SERHL2: variants seen among roughly 807,000 people sequenced by gnomAD.
SERHL2 encodes serine hydrolase-like protein 2.
In SERHL2, 29 loss-of-function variants were observed where a neutral mutation model predicts 25.5. The observed-to-expected ratio is 1.14, with a 90% confidence interval of 0.85 to 1.55. The LOEUF is 1.55. Ranked by LOEUF, SERHL2 falls within the 40% of genes most tolerant of loss-of-function variation. The probability of loss-of-function intolerance (pLI) is 0.00; values close to 1 mark genes in which losing one functional copy is unlikely to be tolerated. For missense variants in SERHL2, 240 were observed against 252.3 expected, an observed-to-expected ratio of 0.95 and a Z score of 0.33; for synonymous variants, 95 against 103.5, an observed-to-expected ratio of 0.92 and a Z score of 0.50.
intron 9 of SERHL2, among the ~76,000 whole-genome samples, chr22:42,567,412 C>T (rs955187023): frequency 6.6e-6 from 1 of 151,834 alleles, no homozygotes; most frequent in Non-Finnish European, 1.5e-5. Flanking sequence ...CGCCTGTAGT[C>T]CCAGCACTTT....
chr22:42,566,253 T>C (rs1206465124), intron 8 of SERHL2, 51 bp from the exon 9 acceptor site: 4 of 1,591,502 alleles, frequency 2.5e-6, no homozygotes, highest in Admixed American at 3.3e-5. Context: ...GAGCGTCCCC[T>C]GACCCTGATG....
chr22:42,559,040 C>G (rs1469656115), intron 7 of SERHL2, among the ~76,000 whole-genome samples: 2 of 58,398 alleles, frequency 3.4e-5, no homozygotes, highest in Non-Finnish European at 5.6e-5. Context: ...ACTGCCCCAC[C>G]ACACGCACGC....
intron 9 of SERHL2, among the ~76,000 whole-genome samples, chr22:42,570,851 G>A (rs878863848): frequency 2.6e-5 from 4 of 152,024 alleles, no homozygotes; most frequent in African/African-American, 7.2e-5. Flanking sequence ...AGGCATACCC[G>A]GTGGCAAAGG....
chr22:42,560,236 T>C lies in SERHL2; in HGVS notation c.584T>C (p.Leu195Pro). 1 of 1,612,902 alleles carries C rather than the reference T, an allele frequency of 6.2e-7. No homozygotes were observed. The highest frequency in any genetic ancestry group is 8.5e-7 in the Non-Finnish European group (1 of 1,179,128). Residue 195 changes from leucine (L) to proline (P), a missense_variant, in exon 8 of 12, where the codon CTG (leucine) becomes CCG (proline). Leu to Pro is a moderately conservative substitution (Grantham distance 98). This residue lies in a region of SERHL2 where 212 missense variants were observed against 168.9 expected (regional missense o/e 1.25). Transcript: ENST00000327678. The part of the protein sequence containing the change: ...HLSEECGELL[L>P]QRGTTKVATG... ...AGTGAGGAGTGCGGGGAGCTTCTCC[T>C]GCAAAGAGGAACCACGAAGGTGGCC...
chr22:42,554,130 G>A (rs1231921796), intron 1 of SERHL2, 88 bp downstream of exon 1: 28 of 1,484,540 alleles, frequency 1.9e-5, no homozygotes, highest in Admixed American at 5.6e-5. Context: ...TGGAGGGTTC[G>A]CCGACCGCGT....
Position 42,556,644 on chromosome 22 carries a change from G to C in SERHL2, c.423+56G>C. On this transcript the variant is annotated intron_variant, in intron 6 of 11. Coordinates refer to ENST00000327678, the MANE Select transcript of SERHL2 (RefSeq NM_014509.5). The stretch of plus-strand genomic sequence containing the variant: ...TTAGGGAGGACCTGGGCCCCGGGCA[G>C]CGCTCCCAGCCCTGTCTCCTTTGGT... The C allele has an allele frequency of 5.7e-6, 8 of 1,402,986 alleles. No homozygotes were observed. In the South Asian group the frequency reaches 9.7e-5, roughly 17 times the overall value. 86.9% of individuals were successfully genotyped at this position (1,402,986 alleles called of 1,614,324 possible).
chr22:42,554,004 T>G lies in SERHL2; in HGVS notation c.-17T>G. ...GGCGTGAGGGAGTGACAGCAGCGCA[T>G]TCGCGGGACGAGAGCGATGAGTGAG... On this transcript the variant is annotated 5_prime_UTR_variant, in exon 1 of 12. Transcript: ENST00000327678. 1.9e-6 allele frequency: 3 copies of G among 1,613,508 alleles called. No individual in the cohort carries two copies. Among genetic ancestry groups the G allele is most frequent in the Non-Finnish European group, 2.5e-6 (3 of 1,179,730 alleles).
intron 9 of SERHL2, 130 bp downstream of exon 9, chr22:42,566,468 C>A: frequency 2.4e-6 from 2 of 833,482 alleles, no homozygotes; most frequent in Non-Finnish European, 1.9e-6. Context: ...TGAGGCAGGA[C>A]AATCGCTTGA....
intron 1 of SERHL2, 95 bp downstream of exon 1, chr22:42,554,137 G>C: frequency 1.4e-6 from 2 of 1,445,548 alleles, no homozygotes; most frequent in Non-Finnish European, 1.9e-6. Context: ...TTCGCCGACC[G>C]CGTCGCCCTC....
chr22:42,566,875 T>G (rs1343053547), intron 9 of SERHL2, among the ~76,000 whole-genome samples: 1 of 152,268 alleles, frequency 6.6e-6, no homozygotes, highest in Non-Finnish European at 1.5e-5. Context: ...CTTGGCCATC[T>G]CTGCCAGTGA....
At chr22:42,564,411 T>A (rs905698752) in intron 8 of SERHL2, among the ~76,000 whole-genome samples, 4 of 151,094 alleles carry the variant, frequency 2.6e-5, no homozygotes, top group Non-Finnish European at 5.9e-5. Context: ...CATTTTAAAC[T>A]GAGGCCCGAC....
chr22:42,557,557 CAAAAAAA>C (rs3046378), intron 6 of SERHL2, among the ~76,000 whole-genome samples: 3 of 45,518 alleles, frequency 6.6e-5, no homozygotes, highest in African/African-American at 1.4e-4. Flanking sequence ...CTCCGTCTCC[CAAAAAAA>C]AAAAAAAAAA....
At chr22:42,556,018 GGGGA>G (rs772464655) in intron 4 of SERHL2, 42 bp from the exon 5 acceptor site, 1 of 492,066 alleles carries the variant, frequency 2.0e-6, no homozygotes, top group South Asian at 2.3e-5. Flanking sequence ...GTATGCAGCT[GGGGA>G]GGGAGTGAGG....
At chr22:42,559,631 A>G (rs1395943456) in intron 7 of SERHL2, among the ~76,000 whole-genome samples, 1 of 151,646 alleles carries the variant, frequency 6.6e-6, no homozygotes, top group African/African-American at 2.4e-5. Flanking sequence ...GTAACGAAGA[A>G]TGGCATGAAC....
At chr22:42,567,650 G>A (rs558248406) in intron 9 of SERHL2, among the ~76,000 whole-genome samples, 4 of 150,868 alleles carry the variant, frequency 2.7e-5, no homozygotes, top group Non-Finnish European at 4.4e-5. Flanking sequence ...CGGCCTGGGC[G>A]ACAGAGCGAG....
At chr22:42,573,883 G>C (rs1046757831) in intron 11 of SERHL2, 53 bp from the exon 12 acceptor site, 105 of 1,570,550 alleles carry the variant, frequency 6.7e-5, no homozygotes, top group Non-Finnish European at 1.7e-5. Context: ...GGCCCATGGA[G>C]CTCCCTAGGC....
At chr22:42,572,725 G>C (rs1924406632) in intron 11 of SERHL2, 196 bp downstream of exon 11, 1 of 984,680 alleles carries the variant, frequency 1.0e-6, no homozygotes, top group South Asian at 4.7e-5. Flanking sequence ...TCAGAATTAA[G>C]GAAACAGAGA....
chr22:42,570,520 G>A (rs1214390621), intron 9 of SERHL2, among the ~76,000 whole-genome samples: 2 of 152,184 alleles, frequency 1.3e-5, no homozygotes, highest in African/African-American at 2.4e-5. Flanking sequence ...TGCATGCTAA[G>A]TTTTCCAAAT....
chr22:42,562,533 G>A (rs1922819047), intron 8 of SERHL2, among the ~76,000 whole-genome samples: 1 of 151,790 alleles, frequency 6.6e-6, no homozygotes, highest in South Asian at 2.1e-4. Context: ...AGAAGGGGAG[G>A]GCTCGTGGAG....
Sources: allele counts gnomAD v4.1 joint callset (sites outside exome capture counted in the v4.1 genomes callset), GRCh38; gene constraint gnomAD v4.1.1; regional missense constraint gnomAD v4.1.1; transcripts MANE v1.5; gene names NCBI Gene and HGNC (gene_info 2026-07-23, HGNC 2026-07-21).